Variants in NEXN observed in about 807,000 individuals in gnomAD.
NEXN encodes nexilin F-actin binding protein.
Under a neutral mutation model 92.6 loss-of-function variants are expected in NEXN, and 65 were observed. That is an observed-to-expected ratio of 0.70 (90% CI 0.57 to 0.86). The LOEUF (loss-of-function observed/expected upper bound fraction) is 0.86, where lower values mean the gene tolerates loss of function less well. Ranked by LOEUF, NEXN falls within the 40% of genes least tolerant of loss-of-function variation. NEXN has a pLI of 0.00. For synonymous variants in NEXN, 254 were observed against 242.5 expected (o/e 1.05, Z -0.44); for missense variants, 778 against 771.1 (o/e 1.01, Z -0.11).
chr1:77,918,764 T>C (rs1265097987), intron 5 of NEXN, among the ~76,000 whole-genome samples: 1 of 152,086 alleles, frequency 6.6e-6, no homozygotes, highest in Non-Finnish European at 1.5e-5. Flanking sequence ...AATATGCCTA[T>C]TTTAAGGTAG....
chr1:77,942,851 C>A lies in NEXN; in HGVS notation c.*22C>A. On this transcript the variant is annotated 3_prime_UTR_variant, in exon 13 of 13. Coordinates refer to ENST00000334785, the MANE Select transcript of NEXN (RefSeq NM_144573.4). ...TTAATCACTCTTTTTATCTTTTATTCTATTAATTTTTTTTTCCTTAAAATC... is the reference window on the plus strand; with the variant it reads ...TTAATCACTCTTTTTATCTTTTATTATATTAATTTTTTTTTCCTTAAAATC... 2 of 1,579,458 alleles carry A rather than the reference C, an allele frequency of 1.3e-6. No homozygotes were observed. The highest frequency in any genetic ancestry group is 2.3e-5 in the South Asian group (2 of 87,958).
intron 7 of NEXN, 42 bp from the exon 8 acceptor site, chr1:77,926,674 T>C (rs1649873873): frequency 6.2e-7 from 1 of 1,613,888 alleles, no homozygotes; most frequent in Non-Finnish European, 8.5e-7. Flanking sequence ...AGCAGCATTT[T>C]CCTTTATGAC....
intron 9 of NEXN, among the ~76,000 whole-genome samples, chr1:77,931,412 CAAAAAAAAAAAAAAAA>C (rs138490881): frequency 1.2e-4 from 7 of 57,592 alleles, no homozygotes; most frequent in Middle Eastern, 0.015. Context: ...GACTCCGTCT[CAAAAAAAAAAAAAAAA>C]AAAAAAAAAA....
intron 5 of NEXN, among the ~76,000 whole-genome samples, chr1:77,924,497 G>C (rs1649697522): frequency 2.0e-5 from 3 of 152,166 alleles, no homozygotes; most frequent in Admixed American, 2.0e-4. Flanking sequence ...CCTTTGATGG[G>C]GCAGTGACAA....
At position 77,936,061 on chromosome 1, in the gene NEXN, T is replaced by A. The variant is rs1650736699; in HGVS notation, c.1473+17T>A. Reference sequence around the variant, plus strand: ...TTTCATGAGGTATATTACCTTTATATTTAACATAGTTATGGTACAGTAATG... The same window carrying A: ...TTTCATGAGGTATATTACCTTTATAATTAACATAGTTATGGTACAGTAATG... On this transcript the variant is annotated intron_variant, in intron 11 of 12. Transcript: ENST00000334785. 8 of 1,517,078 alleles carry A rather than the reference T, an allele frequency of 5.3e-6. No individual in the cohort carries two copies. Among genetic ancestry groups the A allele is most frequent in the Non-Finnish European group, 7.3e-6 (8 of 1,093,134 alleles). The allele number at this position is 1,517,078 out of a possible 1,614,324, so 94.0% of individuals were successfully genotyped here. A position where few individuals can be genotyped will look rare whatever the true frequency, so the allele number is the denominator to read the frequency against.
intron 5 of NEXN, among the ~76,000 whole-genome samples, chr1:77,922,624 G>A (rs1031363504): frequency 4.0e-5 from 6 of 148,160 alleles, no homozygotes; most frequent in Admixed American, 6.7e-5. Flanking sequence ...TTGAGACGGA[G>A]TCTCGCTCTG....
In NEXN at chr1:77,942,935, A is replaced by G; in HGVS notation, c.*106A>G. On this transcript the variant is annotated 3_prime_UTR_variant, in exon 13 of 13. Transcript: ENST00000334785. ...CTAGCTCCCCTCCCCTCTCCCTGGA[A>G]CTTTCTCTTTCACTCCAACTTTCTT... The G allele has an allele frequency of 6.9e-7, 1 of 1,441,778 alleles. No homozygotes were observed. The highest frequency in any genetic ancestry group is 9.5e-7 in the Non-Finnish European group (1 of 1,052,906). 89.3% of individuals were successfully genotyped at this position (1,441,778 alleles called of 1,614,324 possible).
intron 1 of NEXN, among the ~76,000 whole-genome samples, chr1:77,914,648 G>C (rs191012581): frequency 6.6e-6 from 1 of 151,970 alleles, no homozygotes; most frequent in Non-Finnish European, 1.5e-5. Context: ...CACAAGGTCA[G>C]GAGTTCGAGA....
intron 1 of NEXN, among the ~76,000 whole-genome samples, chr1:77,898,680 G>T (rs1176279444): frequency 6.6e-6 from 1 of 152,154 alleles, no homozygotes; most frequent in African/African-American, 2.4e-5. Flanking sequence ...TTAAACTAAA[G>T]AGCTTCTGCA....
At chr1:77,904,819 A>G (rs1475254092) in intron 1 of NEXN, among the ~76,000 whole-genome samples, 1 of 152,230 alleles carries the variant, frequency 6.6e-6, no homozygotes, top group Non-Finnish European at 1.5e-5. Context: ...ATAGCAAATC[A>G]GGCTGGACCA....
At chr1:77,890,070 A>G (rs1647070576) in intron 1 of NEXN, among the ~76,000 whole-genome samples, 1 of 152,206 alleles carries the variant, frequency 6.6e-6, no homozygotes, top group Admixed American at 6.5e-5. Context: ...TTAAGAAAAA[A>G]TGCATAATTA....
chr1:77,931,703 C>T (rs1390995344), intron 9 of NEXN: 1 of 152,154 alleles, frequency 6.6e-6, no homozygotes, highest in East Asian at 1.9e-4. Flanking sequence ...CATACCATAG[C>T]TTAGTTCATG....
rs1037355932 is a variant in NEXN, at chr1:77,940,831, C to A, written c.1474-1192C>A. ...TTTTAAAAAATGCTGTTCATTCATT[C>A]ATTAGCAACAACCATAGTCAGGCAT... On this transcript the variant is annotated intron_variant, in intron 11 of 12. Coordinates refer to ENST00000334785, the MANE Select transcript of NEXN (RefSeq NM_144573.4). 2.0e-5 allele frequency among the ~76,000 whole-genome samples: 3 copies of A among 152,252 alleles called. No individual in the cohort carries two copies. The East Asian group carries it at 5.8e-4, about 29-fold the overall frequency.
intron 1 of NEXN, among the ~76,000 whole-genome samples, chr1:77,910,190 G>A (rs921901073): frequency 1.3e-5 from 2 of 152,108 alleles, no homozygotes; most frequent in Non-Finnish European, 1.5e-5. Flanking sequence ...TCTGATAAAC[G>A]GCATCTAAGA....
intron 11 of NEXN, among the ~76,000 whole-genome samples, chr1:77,937,246 G>A (rs1253868100): frequency 6.6e-6 from 1 of 152,104 alleles, no homozygotes; most frequent in Admixed American, 6.6e-5. Flanking sequence ...TGAGGCTGCG[G>A]TGAACTGTGA....
At chr1:77,915,473 C>T (rs1648896312) in intron 1 of NEXN, among the ~76,000 whole-genome samples, 3 of 151,154 alleles carry the variant, frequency 2.0e-5, no homozygotes, top group South Asian at 2.1e-4. Context: ...ACTAAAAATA[C>T]AAAAAATTAG....
In NEXN at chr1:77,926,876, A is replaced by C. The variant is rs374691663; in HGVS notation, c.848A>C (p.Glu283Ala). 6.2e-7 allele frequency: 1 copy of C among 1,613,926 alleles called. No individual in the cohort carries two copies. Among genetic ancestry groups the C allele is most frequent in the Admixed American group, 1.7e-5 (1 of 60,020 alleles). Residue 283 changes from glutamate to alanine, a missense_variant, in exon 8 of 13, where the codon GAA (glutamate) becomes GCA (alanine). By Grantham distance (107) the Glu-to-Ala change is moderately radical. Around this residue, in one of 3 missense-constraint regions of NEXN, gnomAD observed 532 missense variants for 476.7 expected, o/e 1.12. Transcript: ENST00000334785. ...GAAGAAGAGAAGCGTGCTTTTGAAG[A>C]AGCAAGGCGGCAAATGGTAAATCTA... is the stretch of plus-strand genomic sequence containing the variant. ...RLEEEKRAFE[E>A]ARRQMVNEDE...
intron 1 of NEXN, among the ~76,000 whole-genome samples, chr1:77,894,974 C>T (rs1647193225): frequency 6.6e-6 from 1 of 151,446 alleles, no homozygotes; most frequent in Non-Finnish European, 1.5e-5. Flanking sequence ...CCTCAGCCTC[C>T]CAAAGTGCTA....
At position 77,934,426 on chromosome 1, in the gene NEXN, T is replaced by C. The variant is rs1192240816; in HGVS notation, c.1251+947T>C. Among the ~76,000 whole-genome samples the C allele has an allele frequency of 3.3e-5, 5 of 152,332 alleles. No homozygotes were observed. The East Asian group carries it at 9.6e-4, about 29-fold the overall frequency. On this transcript the variant is annotated intron_variant, in intron 10 of 12. Coordinates refer to ENST00000334785, the MANE Select transcript of NEXN (RefSeq NM_144573.4). ...TTCCACAGTTCTGGGATTACAGGCA[T>C]TAGCCATCATGCCCAGCCACTGTCT...
Sources: gnomAD v4.1 joint callset for allele counts (sites outside exome capture counted in the v4.1 genomes callset) on GRCh38, gnomAD v4.1.1 for gene constraint, gnomAD v4.1.1 regional missense constraint, MANE v1.5 for transcripts, NCBI Gene and HGNC (gene_info 2026-07-23, HGNC 2026-07-21) for gene names.